ABCA4: variants seen among roughly 807,000 people sequenced by gnomAD.
ABCA4 encodes retinal-specific phospholipid-transporting ATPase ABCA4.
In ABCA4, 196 loss-of-function variants were observed where a neutral mutation model predicts 263.7. That is an observed-to-expected ratio of 0.74 (90% CI 0.66 to 0.84). The LOEUF is 0.84. Ranked by LOEUF, ABCA4 falls within the 40% of genes least tolerant of loss-of-function variation. The pLI, the probability that ABCA4 is intolerant of heterozygous loss-of-function variation, is 0.00. For synonymous variants in ABCA4, 1,133 were observed against 1,094.2 expected (o/e 1.04, Z -0.70); for missense variants, 2,792 against 2,855.1 (o/e 0.98, Z 0.50).
intron 35 of ABCA4, among the ~76,000 whole-genome samples, chr1:94,020,005 T>A (rs1659853266): frequency 6.6e-6 from 1 of 152,224 alleles, no homozygotes; most frequent in Non-Finnish European, 1.5e-5. Context: ...TTTCTTTTTA[T>A]TATATTCTCT....
chr1:94,085,065 G>A (rs925733642), intron 6 of ABCA4, among the ~76,000 whole-genome samples: 3 of 152,130 alleles, frequency 2.0e-5, no homozygotes, highest in Non-Finnish European at 4.4e-5. Flanking sequence ...AGCAATTGGG[G>A]GAAAGTGGAC....
At chr1:94,104,091 C>T (rs185851577) in intron 4 of ABCA4, among the ~76,000 whole-genome samples, 34 of 152,256 alleles carry the variant, frequency 2.2e-4, no homozygotes, top group Admixed American at 1.9e-3. Context: ...TTATTATGAT[C>T]GAATTAATAT....
At chr1:94,009,309 C>T (rs912199565) in intron 40 of ABCA4, among the ~76,000 whole-genome samples, 1 of 152,192 alleles carries the variant, frequency 6.6e-6, no homozygotes, top group Non-Finnish European at 1.5e-5. Flanking sequence ...TAGTTACTAA[C>T]CTCCGAGCCT....
At chr1:94,099,144 TAAG>T (rs1221303627) in intron 5 of ABCA4, among the ~76,000 whole-genome samples, 153 bp from the exon 6 acceptor site, 1 of 152,120 alleles carries the variant, frequency 6.6e-6, no homozygotes, top group Non-Finnish European at 1.5e-5. Flanking sequence ...GATTTTAAAA[TAAG>T]GAGATTATTT....
chr1:94,021,987 A>G (rs1361790717), intron 32 of ABCA4, 36 bp from the exon 33 acceptor site: 46 of 1,551,350 alleles, frequency 3.0e-5, no homozygotes, highest in Non-Finnish European at 3.6e-5. Context: ...GACCAGGGCC[A>G]CGAACTTCAC....
chr1:94,073,661 T>C (rs1661465667), intron 11 of ABCA4, among the ~76,000 whole-genome samples: 2 of 152,226 alleles, frequency 1.3e-5, no homozygotes, highest in South Asian at 4.1e-4. Context: ...CCAGGCAGTG[T>C]GGGTCCAGAG....
chr1:94,080,823 A>G, intron 7 of ABCA4, 105 bp from the exon 8 acceptor site: 1 of 1,506,086 alleles, frequency 6.6e-7, no homozygotes, highest in Non-Finnish European at 9.2e-7. Flanking sequence ...TTTAAAAGAA[A>G]ACATCCATAT....
At chr1:94,094,477 A>C (rs183458445) in intron 6 of ABCA4, among the ~76,000 whole-genome samples, 31 of 152,332 alleles carry the variant, frequency 2.0e-4, no homozygotes, top group African/African-American at 7.5e-4. Context: ...TGGGGGACAG[A>C]AAAGAAAGCT....
Position 94,063,253 on chromosome 1 carries a change from G to C in ABCA4, c.1619C>G (p.Ser540Cys). 6 of 1,614,186 alleles carry C rather than the reference G, an allele frequency of 3.7e-6. No homozygotes were observed. Among genetic ancestry groups the C allele is most frequent in the Non-Finnish European group, 5.1e-6 (6 of 1,180,038 alleles). The change falls in exon 12 of 50, where the codon TCT becomes TGT. Residue 540 changes from serine (S) to cysteine (C), a missense_variant. Ser to Cys is a moderately radical substitution (Grantham distance 112). Transcript: ENST00000370225. ...CCAGAACATGTTTTCCTCCAGTAGA[G>C]AGAGGGCACGTTGGGTGAGCTGAGT... The part of the protein sequence containing the change: ...DETQLTQRAL[S>C]LLEENMFWAG...
Position 94,002,002 on chromosome 1 carries a change from A to C in ABCA4, c.6148-10T>G. ...TACTCCAGTTTGCAACCTAGGGAAG[A>C]GAAAGAAATGCCATTTGGAGAAGAC... is the stretch of plus-strand genomic sequence containing the variant. On this transcript the variant is annotated splice_polypyrimidine_tract_variant and intron_variant, in intron 44 of 49. Transcript: ENST00000370225. 6.2e-7 allele frequency: 1 copy of C among 1,614,194 alleles called. No homozygotes were observed. The highest frequency in any genetic ancestry group is 2.2e-5 in the East Asian group (1 of 44,874).
intron 16 of ABCA4, among the ~76,000 whole-genome samples, chr1:94,052,035 A>G (rs1163545767): frequency 6.6e-6 from 1 of 152,202 alleles, no homozygotes; most frequent in African/African-American, 2.4e-5. Context: ...ACTAAGATGT[A>G]CTGGATATTC....
chr1:94,063,560 G>A (rs149438839), intron 11 of ABCA4, among the ~76,000 whole-genome samples: 1 of 152,306 alleles, frequency 6.6e-6, no homozygotes, highest in African/African-American at 2.4e-5. Flanking sequence ...AGCTAGTGAG[G>A]ACCACACTTT....
chr1:94,024,848 T>C (rs1659991932), intron 31 of ABCA4, 106 bp downstream of exon 31: 1 of 1,019,602 alleles, frequency 9.8e-7, no homozygotes. Flanking sequence ...GAAAAAAATC[T>C]ACTGCCCTGA....
intron 1 of ABCA4, among the ~76,000 whole-genome samples, chr1:94,117,183 G>C (rs188677069): frequency 2.0e-5 from 3 of 151,874 alleles, no homozygotes; most frequent in Admixed American, 6.6e-5. Context: ...TTTTAGAACT[G>C]AGCCTGTTAA....
At chr1:94,051,796 C>T (rs1660849614) in intron 16 of ABCA4, 98 bp from the exon 17 acceptor site, 1 of 877,574 alleles carries the variant, frequency 1.1e-6, no homozygotes, top group African/African-American at 1.7e-5. Flanking sequence ...ACCTGAACCT[C>T]AAATTGTAAC....
At chr1:94,016,787 G>T (rs1360641079) in intron 36 of ABCA4, among the ~76,000 whole-genome samples, 1 of 152,128 alleles carries the variant, frequency 6.6e-6, no homozygotes, top group African/African-American at 2.4e-5. Context: ...GAAGGCCTGG[G>T]ACCAATGGTG....
At chr1:94,094,525 C>G (rs767512773) in intron 6 of ABCA4, among the ~76,000 whole-genome samples, 1 of 152,124 alleles carries the variant, frequency 6.6e-6, no homozygotes, top group Non-Finnish European at 1.5e-5. Flanking sequence ...AAAGGAAAAC[C>G]GTGAGCCCAA....
intron 31 of ABCA4, among the ~76,000 whole-genome samples, chr1:94,023,786 AT>A (rs533701203): frequency 1.9e-3 from 288 of 152,302 alleles, no homozygotes; most frequent in Non-Finnish European, 3.0e-3. Context: ...CCCTGCAAAA[AT>A]GAGACTCTAA....
At position 94,037,209 on chromosome 1, in the gene ABCA4, A is replaced by G. The variant is rs61750128; in HGVS notation, c.3749T>C (p.Leu1250Pro). Reference protein sequence around the residue: ...HRAYASLFRELEETLADLGLS... With the variant: ...HRAYASLFREPEETLADLGLS... ...ACCAAGGTCAGCCAGCGTCTCCTCC[A>G]GCTCTCTGAAAAGGCTGGCATATGC... The change falls in exon 25 of 50, where the codon CTG becomes CCG. Residue 1250 changes from leucine (L) to proline (P), a missense_variant. Physicochemically the swap from Leu to Pro is moderately conservative, Grantham distance 98. Coordinates refer to ENST00000370225, the MANE Select transcript of ABCA4 (RefSeq NM_000350.3). The G allele has an allele frequency of 6.2e-7, 1 of 1,614,232 alleles. No individual in the cohort carries two copies. The highest frequency in any genetic ancestry group is 8.5e-7 in the Non-Finnish European group (1 of 1,180,048).
Sources: gnomAD v4.1 joint callset for allele counts (sites outside exome capture counted in the v4.1 genomes callset) on GRCh38, gnomAD v4.1.1 for gene constraint, MANE v1.5 for transcripts, NCBI Gene and HGNC (gene_info 2026-07-23, HGNC 2026-07-21) for gene names.